Variants in EYS observed in about 807,000 individuals in gnomAD.
EYS encodes protein eyes shut homolog.
A neutral mutation model predicts 282.1 loss-of-function variants in EYS; 250 were observed. The ratio of observed to expected loss-of-function variants is 0.89; its 90% CI spans 0.80 to 0.98. The LOEUF is 0.98. Ranked by LOEUF, EYS falls within the 50% of genes least tolerant of loss-of-function variation. EYS has a pLI of 0.00. For missense variants in EYS, 4,016 were observed against 3,709.0 expected (o/e 1.08, Z -2.15); for synonymous variants, 1,355 against 1,282.9 (o/e 1.06, Z -1.20).
At chr6:63,817,610 A>G (rs1771212571) in intron 36 of EYS, among the ~76,000 whole-genome samples, 1 of 152,160 alleles carries the variant, frequency 6.6e-6, no homozygotes, top group African/African-American at 2.4e-5. Context: ...AGGGTGAGAA[A>G]TGCATCTCAG....
intron 12 of EYS, among the ~76,000 whole-genome samples, chr6:65,127,021 T>A (rs1026466825): frequency 1.2e-4 from 19 of 152,056 alleles, no homozygotes; most frequent in African/African-American, 4.6e-4. Context: ...TGGCAATTGA[T>A]AGAAAAAGGA....
chr6:65,629,975 A>T (rs1766856496), intron 2 of EYS, among the ~76,000 whole-genome samples: 1 of 152,208 alleles, frequency 6.6e-6, no homozygotes, highest in African/African-American at 2.4e-5. Context: ...AGGATAATAG[A>T]AAGTTAAAGA....
intron 14 of EYS, among the ~76,000 whole-genome samples, chr6:64,950,561 A>C (rs1769452986): frequency 6.6e-6 from 1 of 151,436 alleles, no homozygotes; most frequent in Non-Finnish European, 1.5e-5. Context: ...AATATGCCTC[A>C]ACACAAGAAA....
At chr6:64,244,372 G>A (rs944485403) in intron 30 of EYS, among the ~76,000 whole-genome samples, 2 of 152,040 alleles carry the variant, frequency 1.3e-5, no homozygotes, top group African/African-American at 4.8e-5. Context: ...AAATTCACTT[G>A]TTAAGTCCAG....
At chr6:65,477,306 T>C (rs1387992571) in intron 5 of EYS, among the ~76,000 whole-genome samples, 1 of 152,222 alleles carries the variant, frequency 6.6e-6, no homozygotes, top group African/African-American at 2.4e-5. Flanking sequence ...ATTAGAGAGA[T>C]GTTTCTACAT....
chr6:65,675,319 A>G lies in EYS; in HGVS notation c.-448+31816T>C, dbSNP rs138534614. ...CAATAAAAAGATACAGAGTAGCTAA[A>G]CAGATTAAGATAAAAACCAAAACCA... On this transcript the variant is annotated intron_variant, in intron 1 of 42. Coordinates refer to ENST00000503581, the MANE Select transcript of EYS (RefSeq NM_001142800.2). Among the ~76,000 whole-genome samples, 523 of 152,012 alleles carry G rather than the reference A, an allele frequency of 3.4e-3. 2 individuals are homozygous for G. The highest frequency in any genetic ancestry group is 0.012 in the African/African-American group (483 of 41,554).
intron 22 of EYS, among the ~76,000 whole-genome samples, chr6:64,770,381 TATG>T (rs1743621708): frequency 1.3e-5 from 2 of 152,100 alleles, no homozygotes; most frequent in South Asian, 4.1e-4. Context: ...GCTATATAGG[TATG>T]ATTATTTCAA....
intron 14 of EYS, among the ~76,000 whole-genome samples, chr6:64,970,908 A>G (rs552979619): frequency 6.6e-6 from 1 of 152,316 alleles, no homozygotes; most frequent in Admixed American, 6.5e-5. Context: ...CCATCACTGC[A>G]GCTACATCAG....
chr6:64,810,681 C>T (rs1381182737), intron 22 of EYS, among the ~76,000 whole-genome samples: 2 of 151,972 alleles, frequency 1.3e-5, no homozygotes, highest in Non-Finnish European at 2.9e-5. Flanking sequence ...TTCTGCAGGT[C>T]ATTAAAGGCT....
intron 2 of EYS, among the ~76,000 whole-genome samples, chr6:65,625,445 A>G (rs966029767): frequency 3.3e-5 from 5 of 152,200 alleles, no homozygotes; most frequent in Non-Finnish European, 7.3e-5. Flanking sequence ...ATAATTACAA[A>G]TTTATCCAGC....
At chr6:64,800,512 T>C (rs1247046872) in intron 22 of EYS, among the ~76,000 whole-genome samples, 1 of 151,316 alleles carries the variant, frequency 6.6e-6, no homozygotes, top group Non-Finnish European at 1.5e-5. Flanking sequence ...TCTCCACACC[T>C]ACATAAGGAA....
intron 41 of EYS, among the ~76,000 whole-genome samples, chr6:63,750,884 G>A (rs1433745009): frequency 6.6e-6 from 1 of 152,178 alleles, no homozygotes; most frequent in Non-Finnish European, 1.5e-5. Context: ...TGGGGAAGGA[G>A]AGCCTGTAGC....
intron 30 of EYS, among the ~76,000 whole-genome samples, chr6:64,258,497 A>T (rs775460142): frequency 4.6e-5 from 7 of 152,078 alleles, no homozygotes; most frequent in Non-Finnish European, 8.8e-5. Context: ...AAATGACAAC[A>T]AACAAAAGAA....
At chr6:65,514,631 T>C (rs1489068657) in intron 2 of EYS, among the ~76,000 whole-genome samples, 3 of 152,072 alleles carry the variant, frequency 2.0e-5, no homozygotes, top group East Asian at 3.9e-4. Flanking sequence ...TCAGAAATAA[T>C]GCCGCATATC....
At chr6:65,317,942 A>G (rs1458962700) in intron 11 of EYS, among the ~76,000 whole-genome samples, 1 of 148,274 alleles carries the variant, frequency 6.7e-6, no homozygotes, top group Admixed American at 6.8e-5. Context: ...ATCTCGGCTC[A>G]CCGCAACCTC....
chr6:64,768,579 T>G (rs79277246), intron 22 of EYS, among the ~76,000 whole-genome samples: 4,508 of 152,302 alleles, frequency 0.03, 134 homozygotes, highest in Middle Eastern at 0.054. Context: ...CCCTTAAATG[T>G]GTCCCTGGTC....
chr6:64,865,548 G>A (rs1486683970), intron 19 of EYS, among the ~76,000 whole-genome samples: 1 of 152,102 alleles, frequency 6.6e-6, no homozygotes, highest in Non-Finnish European at 1.5e-5. Flanking sequence ...TGCATATATT[G>A]AAAAAGTTGT....
At chr6:64,298,051 T>A (rs1769101392) in intron 30 of EYS, among the ~76,000 whole-genome samples, 1 of 151,650 alleles carries the variant, frequency 6.6e-6, no homozygotes, top group Non-Finnish European at 1.5e-5. Context: ...GAAAGATTGT[T>A]AACACTGGAC....
At chr6:64,311,578 G>A (rs553062904) in intron 29 of EYS, among the ~76,000 whole-genome samples, 38 of 152,246 alleles carry the variant, frequency 2.5e-4, no homozygotes, top group Middle Eastern at 3.4e-3. Context: ...TCTCGAGCTC[G>A]CTGGCAAGAT....
Sources: gnomAD v4.1 joint callset for allele counts (sites outside exome capture counted in the v4.1 genomes callset) on GRCh38, gnomAD v4.1.1 for gene constraint, MANE v1.5 for transcripts, NCBI Gene and HGNC (gene_info 2026-07-23, HGNC 2026-07-21) for gene names.